PEX5L: variants seen among roughly 807,000 people sequenced by gnomAD.
The protein encoded by PEX5L is PEX5-related protein.
Under a neutral mutation model 84.0 loss-of-function variants are expected in PEX5L, and 30 were observed. The ratio of observed to expected loss-of-function variants is 0.36; its 90% CI spans 0.27 to 0.48. The LOEUF is 0.48. Ranked by LOEUF, PEX5L falls within the 20% of genes least tolerant of loss-of-function variation. The pLI, the probability that PEX5L is intolerant of heterozygous loss-of-function variation, is 0.99. For synonymous variants in PEX5L, 270 were observed against 283.1 expected (o/e 0.95, Z 0.46); for missense variants, 533 against 754.6 (o/e 0.71, Z 3.44).
At chr3:179,961,402 C>T (rs1213011565) in intron 2 of PEX5L, among the ~76,000 whole-genome samples, 1 of 151,596 alleles carries the variant, frequency 6.6e-6, no homozygotes, top group East Asian at 1.9e-4. Context: ...GCATTTCTGT[C>T]AAACCTTATA....
chr3:179,920,844 C>T (rs1769116716), intron 2 of PEX5L, among the ~76,000 whole-genome samples: 1 of 152,012 alleles, frequency 6.6e-6, no homozygotes, highest in African/African-American at 2.4e-5. Context: ...TACCTTGCTA[C>T]ATAATGGATA....
rs530733715 is a variant in PEX5L at position 179,882,264 on chromosome 3, G to C, written c.311-2141C>G. Among the ~76,000 whole-genome samples, 5 of 152,326 alleles carry C rather than the reference G, an allele frequency of 3.3e-5. No individual in the cohort carries two copies. The South Asian group carries it at 8.3e-4, about 25-fold the overall frequency. On this transcript the variant is annotated intron_variant, in intron 4 of 14. Transcript: ENST00000467460. ...GAAGTACATTTGTTATGGAATAACAGCTGGCAAGTACTAATTTAATTCTAT... is the reference window on the plus strand; with the variant it reads ...GAAGTACATTTGTTATGGAATAACACCTGGCAAGTACTAATTTAATTCTAT...
chr3:179,958,365 C>A (rs781277657), intron 2 of PEX5L, among the ~76,000 whole-genome samples: 1 of 152,120 alleles, frequency 6.6e-6, no homozygotes, highest in African/African-American at 2.4e-5. Context: ...GGTTGTGCAA[C>A]ACAGCAGCCC....
At chr3:179,839,307 G>A (rs1736159794) in intron 8 of PEX5L, among the ~76,000 whole-genome samples, 1 of 152,132 alleles carries the variant, frequency 6.6e-6, no homozygotes, top group African/African-American at 2.4e-5. Context: ...TAAATACACT[G>A]TAATTCAGCA....
chr3:180,026,057 A>G (rs1417296602), intron 1 of PEX5L, among the ~76,000 whole-genome samples: 2 of 148,390 alleles, frequency 1.3e-5, no homozygotes, highest in African/African-American at 5.0e-5. Context: ...CTTAAGCACT[A>G]TGTTTTGTTC....
intron 10 of PEX5L, among the ~76,000 whole-genome samples, chr3:179,813,696 G>T (rs1407353960): frequency 1.5e-5 from 2 of 130,654 alleles, no homozygotes; most frequent in African/African-American, 5.9e-5. Flanking sequence ...TTGAGACGGA[G>T]TCCCGCTGTT....
At chr3:180,017,171 G>A (rs886102088) in intron 1 of PEX5L, among the ~76,000 whole-genome samples, 1 of 152,068 alleles carries the variant, frequency 6.6e-6, no homozygotes, top group African/African-American at 2.4e-5. Context: ...GAACCACTAC[G>A]CCACCATATT....
intron 1 of PEX5L, among the ~76,000 whole-genome samples, chr3:180,010,379 A>G (rs1789350301): frequency 6.7e-6 from 1 of 149,788 alleles, no homozygotes. Context: ...TTTGATTATT[A>G]TAACTGGGAG....
intron 8 of PEX5L, among the ~76,000 whole-genome samples, chr3:179,825,139 A>C (rs1729960461): frequency 6.6e-6 from 1 of 152,200 alleles, no homozygotes; most frequent in Non-Finnish European, 1.5e-5. Context: ...GGGCAGGAGT[A>C]ACCCTGCTGA....
At chr3:179,944,812 A>G (rs1777090349) in intron 2 of PEX5L, among the ~76,000 whole-genome samples, 1 of 152,240 alleles carries the variant, frequency 6.6e-6, no homozygotes, top group African/African-American at 2.4e-5. Flanking sequence ...AACAATGTGC[A>G]AACTCTATCT....
chr3:179,833,317 C>T (rs1733818143), intron 8 of PEX5L, among the ~76,000 whole-genome samples: 1 of 152,230 alleles, frequency 6.6e-6, no homozygotes, highest in South Asian at 2.1e-4. Flanking sequence ...AGTGTCTCAA[C>T]ATATTTGACC....
At position 179,975,005 on chromosome 3, in the gene PEX5L, T is replaced by TGA. The variant is rs1232872734; in HGVS notation, c.22-3341_22-3340insTC. Among the ~76,000 whole-genome samples, 3 of 152,140 alleles carry TGA rather than the reference T, an allele frequency of 2.0e-5. No individual in the cohort carries two copies. The East Asian group carries it at 5.8e-4, about 29-fold the overall frequency. ...TGAGGCCAGGAGTCCAAGACTAGCC[T>TGA]GGGCAACATAGCAAAACCTCATCTC... On this transcript the variant is annotated intron_variant, in intron 1 of 14. Transcript: ENST00000467460.
At chr3:179,837,827 C>T (rs1283302129) in intron 8 of PEX5L, among the ~76,000 whole-genome samples, 1 of 152,144 alleles carries the variant, frequency 6.6e-6, no homozygotes, top group Non-Finnish European at 1.5e-5. Flanking sequence ...AATAAACAGG[C>T]TGCTTGGTTA....
chr3:180,026,624 G>A (rs1790982135), intron 1 of PEX5L, among the ~76,000 whole-genome samples: 1 of 152,166 alleles, frequency 6.6e-6, no homozygotes, highest in Admixed American at 6.5e-5. Context: ...GAACCATTCT[G>A]CTCTTCTCTG....
At chr3:179,945,051 AC>A (rs1394256833) in intron 2 of PEX5L, among the ~76,000 whole-genome samples, 2 of 152,240 alleles carry the variant, frequency 1.3e-5, no homozygotes, top group African/African-American at 4.8e-5. Flanking sequence ...TGCACTCAGA[AC>A]TTCTGTTTTA....
chr3:179,870,829 A>G (rs1329209156), intron 7 of PEX5L, among the ~76,000 whole-genome samples: 1 of 152,190 alleles, frequency 6.6e-6, no homozygotes, highest in Non-Finnish European at 1.5e-5. Context: ...CCAGAGGTGG[A>G]AAGAAAGTTC....
chr3:179,838,436 T>C lies in PEX5L; in HGVS notation c.823-18460A>G, dbSNP rs372979355. On this transcript the variant is annotated intron_variant, in intron 8 of 14. Transcript: ENST00000467460. ...ATGGTGACCTTTACTATAGCTTCTCTTAAACAAATATCAACAGTCACTTTT... is the reference window on the plus strand; with the variant it reads ...ATGGTGACCTTTACTATAGCTTCTCCTAAACAAATATCAACAGTCACTTTT... Among the ~76,000 whole-genome samples the C allele has an allele frequency of 2.0e-5, 3 of 152,238 alleles. No homozygotes were observed. In the East Asian group the frequency reaches 5.8e-4, roughly 29 times the overall value.
chr3:179,897,394 C>T (rs914630960), intron 3 of PEX5L, among the ~76,000 whole-genome samples: 4 of 152,110 alleles, frequency 2.6e-5, no homozygotes, highest in African/African-American at 7.2e-5. Flanking sequence ...GTACATTATA[C>T]ATATTTATGT....
intron 2 of PEX5L, among the ~76,000 whole-genome samples, chr3:179,947,562 T>G (rs1287813106): frequency 6.6e-6 from 1 of 152,070 alleles, no homozygotes; most frequent in African/African-American, 2.4e-5. Context: ...CACAGGCTTA[T>G]TCTACTATAG....
Sources: allele counts gnomAD v4.1 joint callset (sites outside exome capture counted in the v4.1 genomes callset), GRCh38; gene constraint gnomAD v4.1.1; transcripts MANE v1.5; gene names NCBI Gene and HGNC (gene_info 2026-07-23, HGNC 2026-07-21).